CEP350: variants seen among roughly 807,000 people sequenced by gnomAD.
The protein encoded by CEP350 is centrosome-associated protein 350.
In CEP350, 126 loss-of-function variants were observed where a neutral mutation model predicts 331.8. The ratio of observed to expected loss-of-function variants is 0.38; its 90% confidence interval spans 0.33 to 0.44. The LOEUF (loss-of-function observed/expected upper bound fraction) is 0.44, where lower values mean the gene tolerates loss of function less well. Ranked by LOEUF, CEP350 falls within the 20% of genes least tolerant of loss-of-function variation. CEP350 has a pLI of 1.00. For synonymous variants in CEP350, 1,200 were observed against 1,259.5 expected, an observed-to-expected ratio of 0.95 and a Z score of 1.00; for missense variants, 3,406 against 3,634.6, an observed-to-expected ratio of 0.94 and a Z score of 1.62.
chr1:180,053,194 A>C, intron 23 of CEP350, 28 bp downstream of exon 23: 1 of 1,366,376 alleles, frequency 7.3e-7, no homozygotes, highest in Non-Finnish European at 1.0e-6. Flanking sequence ...TGTGGAGGTA[A>C]ATGGTTGTGG....
chr1:180,105,982 C>G (rs1661119025), intron 37 of CEP350, among the ~76,000 whole-genome samples: 1 of 152,176 alleles, frequency 6.6e-6, no homozygotes, highest in South Asian at 2.1e-4. Flanking sequence ...TCTTTCACCT[C>G]TAGTTCTCAT....
intron 26 of CEP350, among the ~76,000 whole-genome samples, chr1:180,064,105 A>G (rs888595596): frequency 5.3e-5 from 8 of 151,804 alleles, no homozygotes; most frequent in African/African-American, 1.5e-4. Flanking sequence ...GGCTATTCCC[A>G]TCTCCTCACA....
chr1:179,955,104 A>C lies in CEP350; in HGVS notation c.-52A>C. ...TGCACCCTCCGCCAGGCTCCGCGGG[A>C]TGCACCGTGGTAGCCGAGGGCGGAG... On this transcript the variant is annotated 5_prime_UTR_variant, in exon 1 of 38. It removes an upstream start codon present in the reference 5' UTR. Coordinates refer to ENST00000367607, the MANE Select transcript of CEP350 (RefSeq NM_014810.5). 6.8e-7 allele frequency: 1 copy of C among 1,473,048 alleles called. No individual in the cohort carries two copies. The highest frequency in any genetic ancestry group is 9.0e-7 in the Non-Finnish European group (1 of 1,115,144). The allele number at this position is 1,473,048 out of a possible 1,614,324, so 91.2% of individuals were successfully genotyped here.
chr1:180,048,292 C>T (rs1441141361), intron 21 of CEP350, among the ~76,000 whole-genome samples: 1 of 152,164 alleles, frequency 6.6e-6, no homozygotes, highest in Non-Finnish European at 1.5e-5. Flanking sequence ...GGAGTGATAA[C>T]CTAACAACAC....
intron 16 of CEP350, among the ~76,000 whole-genome samples, chr1:180,035,083 G>A (rs1474264004): frequency 6.6e-6 from 1 of 152,170 alleles, no homozygotes; most frequent in Non-Finnish European, 1.5e-5. Context: ...TGCTGATATG[G>A]AGAAAGTTTT....
At chr1:180,108,216 C>A (rs147209715) in intron 37 of CEP350, among the ~76,000 whole-genome samples, 1 of 151,984 alleles carries the variant, frequency 6.6e-6, no homozygotes, top group South Asian at 2.1e-4. Context: ...GAGGTTACAC[C>A]GAGAGAGAGA....
intron 4 of CEP350, among the ~76,000 whole-genome samples, chr1:179,991,667 ATGTGTGTGTGTGTG>A (rs751570955): frequency 4.4e-5 from 4 of 90,204 alleles, no homozygotes; most frequent in Admixed American, 2.7e-4. Flanking sequence ...ATATATATAT[ATGTGTGTGTGTGTG>A]TGTGTGTGTG....
chr1:180,000,810 A>G (rs1268184454), intron 6 of CEP350: 2 of 152,224 alleles, frequency 1.3e-5, no homozygotes, highest in African/African-American at 4.8e-5. Flanking sequence ...GTCATTCATG[A>G]TGGCAGTCAG....
At chr1:180,035,249 T>G (rs1473927695) in intron 16 of CEP350, among the ~76,000 whole-genome samples, 1 of 152,146 alleles carries the variant, frequency 6.6e-6, no homozygotes, top group African/African-American at 2.4e-5. Flanking sequence ...AAAGAAGCCA[T>G]CTCTATAAAA....
intron 17 of CEP350, 117 bp downstream of exon 17, chr1:180,037,206 C>T (rs1656415651): frequency 1.2e-6 from 1 of 828,670 alleles, no homozygotes; most frequent in East Asian, 3.1e-5. Context: ...TGCCATATAG[C>T]ACCTATAAAT....
At chr1:180,087,452 G>A in intron 31 of CEP350, 126 bp from the exon 32 acceptor site, 1 of 819,608 alleles carries the variant, frequency 1.2e-6, no homozygotes, top group South Asian at 2.4e-5. Flanking sequence ...GGGGGGCAGG[G>A]AGGGAGATTT....
intron 25 of CEP350, among the ~76,000 whole-genome samples, chr1:180,056,740 G>A (rs1340795624): frequency 1.3e-5 from 2 of 152,038 alleles, no homozygotes; most frequent in African/African-American, 2.4e-5. Context: ...AGGATTACAG[G>A]TGTGAGCCAC....
At chr1:179,967,504 C>T (rs9701237) in intron 1 of CEP350, among the ~76,000 whole-genome samples, 11,716 of 152,164 alleles carry the variant, frequency 0.077, 571 homozygotes, top group Middle Eastern at 0.11. Context: ...CTCCGCCTTC[C>T]GGGTTCAAGC....
At chr1:180,081,687 G>A (rs190745518) in intron 30 of CEP350, among the ~76,000 whole-genome samples, 49 of 152,278 alleles carry the variant, frequency 3.2e-4, no homozygotes, top group Non-Finnish European at 6.3e-4. Flanking sequence ...TACCTGTACA[G>A]TATATTACTA....
In CEP350 at chr1:179,955,111, G is replaced by C; in HGVS notation, c.-45G>C. 1 of 1,473,404 alleles carries C rather than the reference G, an allele frequency of 6.8e-7. No individual in the cohort carries two copies. The highest frequency in any genetic ancestry group is 2.2e-5 in the Admixed American group (1 of 44,928). The allele number at this position is 1,473,404 out of a possible 1,614,324, so 91.3% of individuals were successfully genotyped here. A position where few individuals can be genotyped will look rare whatever the true frequency, so the allele number is the denominator to read the frequency against. On this transcript the variant is annotated 5_prime_UTR_variant, in exon 1 of 38. Transcript: ENST00000367607. ...TCCGCCAGGCTCCGCGGGATGCACC[G>C]TGGTAGCCGAGGGCGGAGGCGACAC...
intron 8 of CEP350, among the ~76,000 whole-genome samples, chr1:180,009,016 T>C (rs1431156395): frequency 6.6e-6 from 1 of 152,240 alleles, no homozygotes; most frequent in African/African-American, 2.4e-5. Context: ...AATTACATTT[T>C]ATTTTACTTT....
chr1:179,991,665 ATATG>A (rs1387987909), intron 4 of CEP350, among the ~76,000 whole-genome samples: 3 of 68,666 alleles, frequency 4.4e-5, no homozygotes, highest in African/African-American at 9.4e-5. Context: ...GTATATATAT[ATATG>A]TGTGTGTGTG....
chr1:179,985,661 A>G (rs1397090521), intron 1 of CEP350, among the ~76,000 whole-genome samples: 1 of 152,184 alleles, frequency 6.6e-6, no homozygotes, highest in Non-Finnish European at 1.5e-5. Context: ...GCAGGGTGGC[A>G]GGAGAGAGAA....
chr1:179,986,693 A>C (rs943040370), intron 2 of CEP350, among the ~76,000 whole-genome samples: 1 of 152,180 alleles, frequency 6.6e-6, no homozygotes, highest in Non-Finnish European at 1.5e-5. Flanking sequence ...GGTTTGTGAG[A>C]GATCTGGAAA....
Sources: allele counts gnomAD v4.1 joint callset (sites outside exome capture counted in the v4.1 genomes callset), GRCh38; gene constraint gnomAD v4.1.1; transcripts MANE v1.5; gene names NCBI Gene and HGNC (gene_info 2026-07-23, HGNC 2026-07-21).